The following TRAPPC9 variants were observed in gnomAD, a reference collection of about 807,000 sequenced individuals.
TRAPPC9 encodes trafficking protein particle complex subunit 9, also known as IKK2 binding protein.
TRAPPC9 carries 83 observed loss-of-function variants against 124.0 expected under a neutral mutation model. The observed-to-expected ratio is 0.67, with a 90% CI of 0.56 to 0.80. The LOEUF (loss-of-function observed/expected upper bound fraction) is 0.80, where lower values mean the gene tolerates loss of function less well. Ranked by LOEUF, TRAPPC9 falls within the 30% of genes least tolerant of loss-of-function variation. TRAPPC9 has a pLI of 0.00. For missense variants in TRAPPC9, 1,302 were observed against 1,508.3 expected, an observed-to-expected ratio of 0.86 and a Z score of 2.27; for synonymous variants, 638 against 617.5, an observed-to-expected ratio of 1.03 and a Z score of -0.49.
chr8:139,760,623 C>A (rs527532278), intron 21 of TRAPPC9, among the ~76,000 whole-genome samples: 1 of 152,222 alleles, frequency 6.6e-6, no homozygotes, highest in South Asian at 2.1e-4. Context: ...GATCACCCTC[C>A]GTATCTGACA....
At chr8:140,126,014 C>T (rs1341472482) in intron 17 of TRAPPC9, among the ~76,000 whole-genome samples, 3 of 151,998 alleles carry the variant, frequency 2.0e-5, no homozygotes, top group African/African-American at 4.8e-5. Context: ...CTTTGTGATC[C>T]GCCAGCCTCG....
At chr8:140,099,203 C>G (rs1020888306) in intron 17 of TRAPPC9, 4 of 151,034 alleles carry the variant, frequency 2.6e-5, no homozygotes, top group African/African-American at 9.7e-5. Context: ...GCAGGGGAGA[C>G]ACCCAGCTAG....
intron 21 of TRAPPC9, among the ~76,000 whole-genome samples, chr8:139,801,371 A>G (rs1823517562): frequency 6.6e-6 from 1 of 152,222 alleles, no homozygotes; most frequent in African/African-American, 2.4e-5. Context: ...GGTGCTCACC[A>G]GGAGCAAAGC....
intron 17 of TRAPPC9, among the ~76,000 whole-genome samples, chr8:140,046,978 A>T (rs1841639991): frequency 6.6e-6 from 1 of 152,170 alleles, no homozygotes; most frequent in Admixed American, 6.5e-5. Context: ...AAAGCCTAGA[A>T]AGGTTCCCGT....
Position 139,788,335 on chromosome 8 carries a change from T to C in TRAPPC9, c.3056-56133A>G, listed in dbSNP as rs1439653554. On this transcript the variant is annotated intron_variant, in intron 21 of 22. Transcript: ENST00000438773. This position sits in a 1 kb window ranked among gnomAD's most constrained non-coding sequence, Gnocchi z 4.9. ...TTTTAAAATTTAACTTGCTTTCCTT[T>C]TTCCCACAGGGAAAAGGAGTGGGAA... is the stretch of plus-strand genomic sequence containing the variant. Among the ~76,000 whole-genome samples the C allele has an allele frequency of 2.0e-5, 3 of 152,178 alleles. No homozygotes were observed. The highest frequency in any genetic ancestry group is 7.2e-5 in the African/African-American group (3 of 41,456).
intron 21 of TRAPPC9, among the ~76,000 whole-genome samples, chr8:139,793,323 C>T (rs1485172481): frequency 6.6e-6 from 1 of 152,222 alleles, no homozygotes; most frequent in Non-Finnish European, 1.5e-5. Context: ...CACTCCAGCT[C>T]ATGGGTGTGC....
At chr8:139,749,614 G>C (rs926816114) in intron 21 of TRAPPC9, among the ~76,000 whole-genome samples, 1 of 152,180 alleles carries the variant, frequency 6.6e-6, no homozygotes, top group Non-Finnish European at 1.5e-5. Context: ...CCCCTGCCTG[G>C]TGCTGGGTCA....
Position 140,423,824 on chromosome 8 carries a change from C to T in TRAPPC9, c.886+2791G>A, listed in dbSNP as rs1487748575. On this transcript the variant is annotated intron_variant, in intron 5 of 22. Transcript: ENST00000438773. The stretch of plus-strand genomic sequence containing the variant: ...GAAATGCATACTGACACGTGCTATA[C>T]GCATGAAGCTTGAAACATACAGTAA... Among the ~76,000 whole-genome samples the T allele has an allele frequency of 4.6e-5, 7 of 152,030 alleles. No homozygotes were observed. The South Asian group carries it at 6.2e-4, about 14-fold the overall frequency.
intron 19 of TRAPPC9, among the ~76,000 whole-genome samples, chr8:139,958,929 G>A (rs975735130): frequency 0.25 from 18,435 of 75,106 alleles, 682 homozygotes; most frequent in African/African-American, 0.34. Context: ...CGAGTCACAC[G>A]GGGGAGCACT....
chr8:139,835,772 CAA>C (rs59433008), intron 21 of TRAPPC9, among the ~76,000 whole-genome samples: 1 of 134,902 alleles, frequency 7.4e-6, no homozygotes. Context: ...GATTAAAAAA[CAA>C]AAAAAAAAAA....
rs116920396 is a variant in TRAPPC9 at position 140,041,032 on chromosome 8, G to A, written c.2557-16953C>T. ...ACTACTTTGTCAAGGTAATATCCAG[G>A]TATGAATGGTGGACCTCATGGTCCC... is the stretch of plus-strand genomic sequence containing the variant. On this transcript the variant is annotated intron_variant, in intron 17 of 22. Coordinates refer to ENST00000438773, the MANE Select transcript of TRAPPC9 (RefSeq NM_001160372.4). The A allele has an allele frequency of 5.3e-5, 8 of 152,300 alleles. No individual in the cohort carries two copies. The East Asian group carries it at 1.5e-3, about 29-fold the overall frequency. The allele number at this position is 152,300 out of a possible 1,614,324, so 9.4% of individuals were successfully genotyped here. A position where few individuals can be genotyped will look rare whatever the true frequency, so the allele number is the denominator to read the frequency against.
chr8:140,300,951 C>T (rs1421046953), intron 10 of TRAPPC9, among the ~76,000 whole-genome samples: 1 of 152,200 alleles, frequency 6.6e-6, no homozygotes, highest in Non-Finnish European at 1.5e-5. Flanking sequence ...TGGGCACGTG[C>T]CTTGCCATCT....
At chr8:140,277,848 G>A (rs1204796500) in intron 14 of TRAPPC9, among the ~76,000 whole-genome samples, 1 of 152,222 alleles carries the variant, frequency 6.6e-6, no homozygotes, top group Non-Finnish European at 1.5e-5. Flanking sequence ...CTCCAATGTG[G>A]GACTATGGGC....
rs529184968 is a variant in TRAPPC9, at chr8:139,776,347, C to T, written c.3056-44145G>A. Reference sequence around the variant, plus strand: ...AGCTGCTATGTGACGTCATCTCACTCGTCACAACATAGTATTGATCGGTTT... The same window carrying T: ...AGCTGCTATGTGACGTCATCTCACTTGTCACAACATAGTATTGATCGGTTT... On this transcript the variant is annotated intron_variant, in intron 21 of 22. Coordinates refer to ENST00000438773, the MANE Select transcript of TRAPPC9 (RefSeq NM_001160372.4). This position sits in a 1 kb window ranked among gnomAD's most constrained non-coding sequence, Gnocchi z 4.1. Among the ~76,000 whole-genome samples the T allele has an allele frequency of 7.9e-5, 12 of 152,354 alleles. No individual in the cohort carries two copies. The highest frequency in any genetic ancestry group is 2.6e-4 in the African/African-American group (11 of 41,582).
At chr8:139,841,693 C>T (rs898211130) in intron 21 of TRAPPC9, among the ~76,000 whole-genome samples, 1 of 152,224 alleles carries the variant, frequency 6.6e-6, no homozygotes, top group Non-Finnish European at 1.5e-5. Flanking sequence ...ATTCGCAGAA[C>T]CCACAGTGCT....
intron 3 of TRAPPC9, among the ~76,000 whole-genome samples, chr8:140,437,645 T>C (rs2070868138): frequency 6.6e-6 from 1 of 152,226 alleles, no homozygotes; most frequent in Admixed American, 6.5e-5. Flanking sequence ...GAATTTGTTA[T>C]ATTTAATATG....
intron 14 of TRAPPC9, among the ~76,000 whole-genome samples, chr8:140,279,033 G>C (rs1393030379): frequency 6.6e-6 from 1 of 152,198 alleles, no homozygotes; most frequent in African/African-American, 2.4e-5. Context: ...TTATTGGGTT[G>C]GTTGACTTGT....
chr8:140,333,068 G>C (rs977091041), intron 9 of TRAPPC9, among the ~76,000 whole-genome samples: 1 of 151,770 alleles, frequency 6.6e-6, no homozygotes, highest in East Asian at 1.9e-4. Context: ...AGAGGTTGCA[G>C]TGAGCCGAGA....
Position 140,270,577 on chromosome 8 carries a change from A to G in TRAPPC9, c.2278+5081T>C, listed in dbSNP as rs1055968545. Among the ~76,000 whole-genome samples, 12 of 152,344 alleles carry G rather than the reference A, an allele frequency of 7.9e-5. No individual in the cohort carries two copies. The South Asian group carries it at 1.9e-3, about 24-fold the overall frequency. On this transcript the variant is annotated intron_variant, in intron 15 of 22. Coordinates refer to ENST00000438773, the MANE Select transcript of TRAPPC9 (RefSeq NM_001160372.4). ...AGAAGCCATCACCATACACAGTGGCAAGACCTCCTGTGGCACTAAGTCAGA... is the reference window on the plus strand; with the variant it reads ...AGAAGCCATCACCATACACAGTGGCGAGACCTCCTGTGGCACTAAGTCAGA...
Sources: gnomAD v4.1 joint callset for allele counts (sites outside exome capture counted in the v4.1 genomes callset) on GRCh38, gnomAD v4.1.1 for gene constraint, Gnocchi (gnomAD v3.1) non-coding constraint, MANE v1.5 for transcripts, NCBI Gene and HGNC (gene_info 2026-07-23, HGNC 2026-07-21) for gene names.